Variants in SHROOM3 observed in about 807,000 individuals in gnomAD.
The protein encoded by SHROOM3 is shroom family member 3, also known as protein Shroom3.
In SHROOM3, 47 loss-of-function variants were observed where a neutral mutation model predicts 138.6. The observed-to-expected ratio is 0.34, with a 90% CI of 0.27 to 0.43. The LOEUF (loss-of-function observed/expected upper bound fraction) is 0.43, where lower values mean the gene tolerates loss of function less well. Ranked by LOEUF, SHROOM3 falls within the 20% of genes least tolerant of loss-of-function variation. SHROOM3 has a pLI of 1.00. For missense variants in SHROOM3, 2,491 were observed against 2,596.5 expected, an observed-to-expected ratio of 0.96 and a Z score of 0.88; for synonymous variants, 1,062 against 1,063.3, an observed-to-expected ratio of 1.00 and a Z score of 0.02.
chr4:76,744,956 GA>G (rs1331917696), intron 5 of SHROOM3, among the ~76,000 whole-genome samples: 2 of 152,338 alleles, frequency 1.3e-5, no homozygotes, highest in African/African-American at 4.8e-5. Context: ...TCTCTGGCCT[GA>G]AATAATGACT....
Position 76,697,153 on chromosome 4 carries a change from C to G in SHROOM3, c.324-13003C>G, listed in dbSNP as rs187803540. Among the ~76,000 whole-genome samples the G allele has an allele frequency of 3.6e-3, 503 of 139,342 alleles. 3 individuals carry two copies. The highest frequency in any genetic ancestry group is 5.8e-3 in the Non-Finnish European group (384 of 65,778). The allele number at this position is 139,342 out of a possible 152,430, so 91.4% of individuals were successfully genotyped here. On this transcript the variant is annotated intron_variant, in intron 2 of 10. Transcript: ENST00000296043. ...GTGTTGCCCAGGCTGGTCTCAAATT[C>G]CTGGCCTCAAGTGATCCTCCCACCT...
chr4:76,591,192 C>T (rs1273523749), intron 2 of SHROOM3, among the ~76,000 whole-genome samples: 4 of 152,272 alleles, frequency 2.6e-5, no homozygotes, highest in South Asian at 2.1e-4. Context: ...TATTCTGTTC[C>T]GCATTGTACC....
intron 1 of SHROOM3, among the ~76,000 whole-genome samples, chr4:76,440,951 G>T (rs1730655380): frequency 6.6e-6 from 1 of 151,594 alleles, no homozygotes; most frequent in Non-Finnish European, 1.5e-5. Context: ...CCAAATCTTA[G>T]CCTCCTTGTC....
At chr4:76,557,226 T>TACACACAC (rs35294663) in intron 2 of SHROOM3, among the ~76,000 whole-genome samples, 10,317 of 141,884 alleles carry the variant, frequency 0.073, 551 homozygotes, top group African/African-American at 0.15. Flanking sequence ...TGTTTATGTA[T>TACACACAC]ACACACACAC....
At chr4:76,474,800 G>A (rs1456273495) in intron 1 of SHROOM3, among the ~76,000 whole-genome samples, 1 of 152,010 alleles carries the variant, frequency 6.6e-6, no homozygotes, top group African/African-American at 2.4e-5. Flanking sequence ...GGTGATACAT[G>A]CCTGTAATCC....
At position 76,741,601 on chromosome 4, in the gene SHROOM3, G is replaced by C. The variant is rs764607408; in HGVS notation, c.3428G>C (p.Arg1143Pro). The C allele has an allele frequency of 4.5e-6, 7 of 1,539,724 alleles. No homozygotes were observed. In the African/African-American group the frequency reaches 5.5e-5, roughly 12 times the overall value. The change falls in exon 5 of 11, where the codon CGG (arginine) becomes CCG (proline). Residue 1143 changes from arginine to proline, a missense_variant. Arg to Pro is a moderately radical substitution (Grantham distance 103). This residue lies in a region of SHROOM3 where 1,733 missense variants were observed against 1,661.6 expected (regional missense o/e 1.04). Transcript: ENST00000296043. The surrounding 1 kb of genome is among the most constrained non-coding windows in gnomAD (Gnocchi z 6.2). ...LASASSLSSL[R>P]EPSLQPRREA... is the part of the protein sequence containing the mutation. ...TCGGCCTCCAGCTTGAGCTCACTGCGGGAGCCCAGCCTGCAGCCCCGCAGG... is the reference window on the plus strand; with the variant it reads ...TCGGCCTCCAGCTTGAGCTCACTGCCGGAGCCCAGCCTGCAGCCCCGCAGG...
At chr4:76,514,634 T>A (rs1435527164) in intron 1 of SHROOM3, among the ~76,000 whole-genome samples, 1 of 152,086 alleles carries the variant, frequency 6.6e-6, no homozygotes, top group African/African-American at 2.4e-5. Flanking sequence ...TGAAAAAGGG[T>A]GAATTTTATA....
chr4:76,765,700 C>T (rs191385181), intron 9 of SHROOM3, among the ~76,000 whole-genome samples: 3 of 152,190 alleles, frequency 2.0e-5, no homozygotes, highest in South Asian at 2.1e-4. Context: ...CTAATATGAG[C>T]GGTGTGTCAT....
chr4:76,668,418 C>T (rs1350566025), intron 2 of SHROOM3, among the ~76,000 whole-genome samples: 3 of 151,746 alleles, frequency 2.0e-5, no homozygotes, highest in African/African-American at 7.3e-5. Context: ...ACAACAACAA[C>T]AAAAATTAGC....
chr4:76,530,042 T>A (rs1217249783), intron 1 of SHROOM3, among the ~76,000 whole-genome samples: 1 of 152,224 alleles, frequency 6.6e-6, no homozygotes, highest in Non-Finnish European at 1.5e-5. Flanking sequence ...CAATTTGTGC[T>A]GGGGGTCCTG....
intron 1 of SHROOM3, among the ~76,000 whole-genome samples, chr4:76,493,937 C>T (rs1731910371): frequency 1.3e-5 from 2 of 152,154 alleles, no homozygotes; most frequent in Non-Finnish European, 1.5e-5. Flanking sequence ...TGAGATTATG[C>T]CACTGCACTC....
chr4:76,565,930 G>A lies in SHROOM3; in HGVS notation c.323+10167G>A, dbSNP rs138543879. On this transcript the variant is annotated intron_variant, in intron 2 of 10. Transcript: ENST00000296043. Reference sequence around the variant, plus strand: ...CAGGTCTGCCTCCAGACCAGCCTGGGCAACATTGCAAGACCCTGTCTCTAC... The same window carrying A: ...CAGGTCTGCCTCCAGACCAGCCTGGACAACATTGCAAGACCCTGTCTCTAC... 2.0e-5 allele frequency among the ~76,000 whole-genome samples: 3 copies of A among 151,982 alleles called. No homozygotes were observed. In the East Asian group the frequency reaches 5.8e-4, roughly 29 times the overall value.
chr4:76,583,812 G>A (rs1734096195), intron 2 of SHROOM3, among the ~76,000 whole-genome samples: 1 of 152,094 alleles, frequency 6.6e-6, no homozygotes, highest in Admixed American at 6.5e-5. Context: ...TACTAACTAT[G>A]GGTCAACTGT....
At chr4:76,582,944 A>G (rs1173102679) in intron 2 of SHROOM3, among the ~76,000 whole-genome samples, 2 of 152,220 alleles carry the variant, frequency 1.3e-5, no homozygotes, top group Non-Finnish European at 2.9e-5. Context: ...TCCAACAAGA[A>G]TGGCCTAACC....
chr4:76,506,852 G>A (rs1333128142), intron 1 of SHROOM3, among the ~76,000 whole-genome samples: 4 of 151,980 alleles, frequency 2.6e-5, no homozygotes, highest in African/African-American at 9.7e-5. Flanking sequence ...TATTATGGAA[G>A]ATGAACGTTT....
In SHROOM3 at chr4:76,777,401, C is replaced by T. The variant is rs1578041996; in HGVS notation, c.5623-1408C>T. Among the ~76,000 whole-genome samples the T allele has an allele frequency of 3.3e-5, 5 of 152,080 alleles. No homozygotes were observed. In the South Asian group the frequency reaches 6.2e-4, roughly 19 times the overall value. ...TTCTTGATTTTATTCTCAGCTTGGT[C>T]GCTGTTGGTGTATAGCAGTGCTACT... On this transcript the variant is annotated intron_variant, in intron 10 of 10. Transcript: ENST00000296043.
intron 9 of SHROOM3, among the ~76,000 whole-genome samples, chr4:76,768,244 T>G (rs1176107591): frequency 6.6e-6 from 1 of 152,214 alleles, no homozygotes; most frequent in African/African-American, 2.4e-5. Context: ...GCAGTGTTTA[T>G]TTTTCCTGCT....
chr4:76,574,560 G>C (rs1733899331), intron 2 of SHROOM3, among the ~76,000 whole-genome samples: 1 of 151,926 alleles, frequency 6.6e-6, no homozygotes. Context: ...AGACAGACCG[G>C]ATACTCCCTC....
At position 76,555,815 on chromosome 4, in the gene SHROOM3, T is replaced by A. The variant is rs756240715; in HGVS notation, c.323+52T>A. On this transcript the variant is annotated intron_variant, in intron 2 of 10. Transcript: ENST00000296043. ...CTCCTACCACCTCACCCCACCTCTC[T>A]CCCTACCCTACCCCACCTCTGGGAA... is the stretch of plus-strand genomic sequence containing the variant. 3.8e-6 allele frequency: 6 copies of A among 1,587,486 alleles called. No individual in the cohort carries two copies. In the East Asian group the frequency reaches 1.4e-4, roughly 36 times the overall value.
Sources: gnomAD v4.1 joint callset for allele counts (sites outside exome capture counted in the v4.1 genomes callset) on GRCh38, gnomAD v4.1.1 for gene constraint, gnomAD v4.1.1 regional missense constraint, Gnocchi (gnomAD v3.1) non-coding constraint, MANE v1.5 for transcripts, NCBI Gene and HGNC (gene_info 2026-07-23, HGNC 2026-07-21) for gene names.